CIRSR: variants seen among roughly 807,000 people sequenced by gnomAD.
CIRSR encodes the protein CBF1 (RBPJ) interacting corepressor 1.
chr2:174,387,003 AT>A, the CIRSR span, among the ~76,000 whole-genome samples: 1 of 152,210 alleles, frequency 6.6e-6, no homozygotes, highest in Non-Finnish European at 1.5e-5. Context: ...AGTTACTAAG[AT>A]TAAATAAAAT....
At chr2:174,390,962 C>T in the CIRSR span, among the ~76,000 whole-genome samples, 28 of 152,290 alleles carry the variant, frequency 1.8e-4, no homozygotes, top group African/African-American at 6.7e-4. Context: ...ATAAATTACC[C>T]AGTCTCAGGT....
the CIRSR span, among the ~76,000 whole-genome samples, chr2:174,388,365 A>AT: frequency 6.6e-6 from 1 of 151,774 alleles, no homozygotes; most frequent in Non-Finnish European, 1.5e-5. Context: ...CACCAAACTA[A>AT]TTTTTTTGTA....
chr2:174,372,605 A>AT, the CIRSR span, among the ~76,000 whole-genome samples: 41 of 150,900 alleles, frequency 2.7e-4, no homozygotes, highest in Non-Finnish European at 3.2e-4. Context: ...TTCTTTCTCT[A>AT]TTTTTTTTTC....
the CIRSR span, among the ~76,000 whole-genome samples, chr2:174,372,621 A>C: frequency 6.6e-6 from 1 of 151,806 alleles, no homozygotes; most frequent in Non-Finnish European, 1.5e-5. Flanking sequence ...TTTTCTCTGT[A>C]GCCCAGGCTG....
chr2:174,390,657 C>T, the CIRSR span, among the ~76,000 whole-genome samples: 2 of 151,724 alleles, frequency 1.3e-5, no homozygotes, highest in Admixed American at 1.3e-4. Context: ...CCCACCCAAT[C>T]TCATCTTGAA....
At chr2:174,361,417 C>T in the CIRSR span, among the ~76,000 whole-genome samples, 1 of 152,206 alleles carries the variant, frequency 6.6e-6, no homozygotes, top group Non-Finnish European at 1.5e-5. Flanking sequence ...ACAGGAAGTT[C>T]CTCTGGTATG....
At chr2:174,362,624 T>G in the CIRSR span, among the ~76,000 whole-genome samples, 1 of 132,712 alleles carries the variant, frequency 7.5e-6, no homozygotes, top group Admixed American at 8.7e-5. Flanking sequence ...GAGGTGGAAC[T>G]TGCAGTGAGC....
At chr2:174,376,336 A>T in the CIRSR span, among the ~76,000 whole-genome samples, 1 of 152,232 alleles carries the variant, frequency 6.6e-6, no homozygotes, top group Non-Finnish European at 1.5e-5. Flanking sequence ...TTAAAACTTG[A>T]TAGGAACCAA....
chr2:174,375,378 T>A, the CIRSR span, among the ~76,000 whole-genome samples: 3 of 151,936 alleles, frequency 2.0e-5, no homozygotes. Context: ...GAGGCTGAGG[T>A]GGGATGATCA....
chr2:174,381,810 T>C, the CIRSR span: 5 of 1,471,482 alleles, frequency 3.4e-6, no homozygotes, highest in Non-Finnish European at 4.6e-6. Flanking sequence ...AACGATTTTA[T>C]GTAGGACAAA....
chr2:174,386,047 A>C, the CIRSR span, among the ~76,000 whole-genome samples: 1 of 152,166 alleles, frequency 6.6e-6, no homozygotes. Context: ...ATAAACATGA[A>C]CACTGTGATC....
chr2:174,371,831 G>A, the CIRSR span, among the ~76,000 whole-genome samples: 1 of 152,048 alleles, frequency 6.6e-6, no homozygotes, highest in Non-Finnish European at 1.5e-5. Context: ...GAGATTACAG[G>A]CACAAGGCTG....
the CIRSR span, chr2:174,348,492 C>T: frequency 6.3e-7 from 1 of 1,590,888 alleles, no homozygotes; most frequent in Non-Finnish European, 8.6e-7. Context: ...TTCTCTACTT[C>T]TGCTTCATTC....
the CIRSR span, among the ~76,000 whole-genome samples, chr2:174,364,349 C>T: frequency 6.6e-5 from 10 of 152,250 alleles, no homozygotes; most frequent in African/African-American, 2.4e-4. Context: ...TGGCTGCTTT[C>T]ATATGCTGGC....
the CIRSR span, among the ~76,000 whole-genome samples, chr2:174,356,554 A>G: frequency 2.7e-5 from 3 of 112,614 alleles, no homozygotes; most frequent in South Asian, 6.1e-4. Flanking sequence ...AAGGAAGGAA[A>G]GGAAGAAAGA....
At chr2:174,374,341 C>G in the CIRSR span, among the ~76,000 whole-genome samples, 1 of 152,150 alleles carries the variant, frequency 6.6e-6, no homozygotes, top group Non-Finnish European at 1.5e-5. Flanking sequence ...TTAAATAGAG[C>G]CTTACGTAAT....
the CIRSR span, chr2:174,351,852 G>A: frequency 3.6e-6 from 2 of 556,242 alleles, no homozygotes; most frequent in Non-Finnish European, 6.1e-6. Context: ...ATAATCTTCT[G>A]CTGAGCAAAT....
chr2:174,380,920 C>G, the CIRSR span: 1 of 892,250 alleles, frequency 1.1e-6, no homozygotes, highest in Admixed American at 3.0e-5. Flanking sequence ...TTAATTGTCA[C>G]TTGTAAGAAT....
At chr2:174,360,613 T>C in the CIRSR span, among the ~76,000 whole-genome samples, 1 of 152,206 alleles carries the variant, frequency 6.6e-6, no homozygotes, top group South Asian at 2.1e-4. Flanking sequence ...GGAAGAGTCA[T>C]GTAAAAGAGA....
Sources: gnomAD v4.1 joint callset for allele counts (sites outside exome capture counted in the v4.1 genomes callset) on GRCh38, gnomAD v4.1.1 for gene constraint, MANE v1.5 for transcripts, NCBI Gene and HGNC (gene_info 2026-07-23, HGNC 2026-07-21) for gene names.